Variants in DPP6 observed in about 807,000 individuals in gnomAD.
DPP6 encodes dipeptidyl peptidase like 6, also known as A-type potassium channel modulatory protein DPP6.
Under a neutral mutation model 122.6 loss-of-function variants are expected in DPP6, and 69 were observed. The observed-to-expected ratio is 0.56, with a 90% CI of 0.46 to 0.69. The LOEUF (loss-of-function observed/expected upper bound fraction) is 0.69. DPP6 is among the 30% of genes least tolerant of loss of function. The pLI, the probability that DPP6 is intolerant of heterozygous loss-of-function variation, is 0.00. For missense variants in DPP6, 928 were observed against 1,116.9 expected, an observed-to-expected ratio of 0.83 and a Z score of 2.41; for synonymous variants, 418 against 433.1, an observed-to-expected ratio of 0.97 and a Z score of 0.43.
chr7:154,728,173 C>T (rs1397452944), intron 8 of DPP6, among the ~76,000 whole-genome samples: 1 of 152,160 alleles, frequency 6.6e-6, no homozygotes, highest in Non-Finnish European at 1.5e-5. Context: ...CCCTGAAGGG[C>T]AGGAGGCTCG....
chr7:154,740,298 C>CTTT (rs11286104), intron 8 of DPP6, among the ~76,000 whole-genome samples: 1 of 143,528 alleles, frequency 7.0e-6, no homozygotes. Context: ...ACTCTAATTT[C>CTTT]TTTTTTTTTT....
chr7:153,890,606 G>A (rs1799146901), intron 1 of DPP6, among the ~76,000 whole-genome samples: 1 of 151,678 alleles, frequency 6.6e-6, no homozygotes, highest in South Asian at 2.1e-4. Flanking sequence ...GAAGGCAGAT[G>A]CACCAGCATA....
intron 7 of DPP6, among the ~76,000 whole-genome samples, chr7:154,708,233 C>G (rs1170571997): frequency 2.0e-5 from 3 of 152,132 alleles, no homozygotes; most frequent in African/African-American, 7.2e-5. Flanking sequence ...TCAAAGGTAA[C>G]TGGGCTTTCC....
At chr7:154,301,637 T>C (rs1430780340) in intron 1 of DPP6, among the ~76,000 whole-genome samples, 1 of 152,132 alleles carries the variant, frequency 6.6e-6, no homozygotes, top group South Asian at 2.1e-4. Context: ...CCTTTCTGTA[T>C]TTGCAGTAAT....
At chr7:153,923,873 G>T (rs1289626279) in intron 1 of DPP6, among the ~76,000 whole-genome samples, 1 of 151,638 alleles carries the variant, frequency 6.6e-6, no homozygotes. Context: ...TTTAGTCATC[G>T]GTGGATCCCT....
chr7:154,446,131 G>T, intron 1 of DPP6, 83 bp from the exon 2 acceptor site: 1 of 844,868 alleles, frequency 1.2e-6, no homozygotes, highest in South Asian at 2.0e-5. Context: ...CTTGGTTCTT[G>T]ATTTAAATGA....
chr7:154,510,790 A>G (rs1362955962), intron 3 of DPP6, among the ~76,000 whole-genome samples: 3 of 152,114 alleles, frequency 2.0e-5, no homozygotes, highest in African/African-American at 4.8e-5. Flanking sequence ...CTCTGAATAC[A>G]CTAAAAACCA....
intron 1 of DPP6, among the ~76,000 whole-genome samples, chr7:154,265,762 T>C (rs751129814): frequency 2.6e-5 from 4 of 152,220 alleles, no homozygotes; most frequent in Non-Finnish European, 5.9e-5. Flanking sequence ...AAATAGGTTT[T>C]ATTGTATTTC....
At chr7:154,632,222 G>A (rs1313136144) in intron 5 of DPP6, among the ~76,000 whole-genome samples, 2 of 152,202 alleles carry the variant, frequency 1.3e-5, no homozygotes, top group South Asian at 4.1e-4. Context: ...TTCACAATGT[G>A]CAGAGAAACC....
At position 154,796,788 on chromosome 7, in the gene DPP6, C is replaced by A. The variant is rs76856548; in HGVS notation, c.1299+905C>A. On this transcript the variant is annotated intron_variant, in intron 12 of 25. Transcript: ENST00000377770. ...ACATTCCAGCACTATAGATGCTGGG[C>A]TGCTGCTTCTGCCTGTGGAGTCAGG... Among the ~76,000 whole-genome samples, 547 of 152,318 alleles carry A rather than the reference C, an allele frequency of 3.6e-3. 12 individuals are homozygous for A. In the East Asian group the frequency reaches 0.054, roughly 15 times the overall value.
At chr7:153,846,684 G>GTT in the DPP6 span, among the ~76,000 whole-genome samples, 4 of 117,660 alleles carry the variant, frequency 3.4e-5, no homozygotes, top group African/African-American at 1.4e-4. Flanking sequence ...AGGTGGCTTG[G>GTT]TTCTTTTTTT....
chr7:154,697,319 C>T (rs891436824), intron 7 of DPP6, among the ~76,000 whole-genome samples: 8 of 152,194 alleles, frequency 5.3e-5, no homozygotes, highest in African/African-American at 1.9e-4. Flanking sequence ...AACCTGCCCA[C>T]GAGAAGTTGC....
At chr7:154,057,925 C>G (rs1002262107) in intron 1 of DPP6, 4 of 151,030 alleles carry the variant, frequency 2.6e-5, no homozygotes, top group Non-Finnish European at 5.9e-5. Context: ...AAAGAATGGC[C>G]CCCCTATTTG....
At chr7:154,783,130 G>T (rs1797127438) in intron 10 of DPP6, among the ~76,000 whole-genome samples, 1 of 152,146 alleles carries the variant, frequency 6.6e-6, no homozygotes, top group African/African-American at 2.4e-5. Flanking sequence ...TGCCTCCTTA[G>T]AGATGGGGGT....
intron 8 of DPP6, among the ~76,000 whole-genome samples, chr7:154,743,210 C>T (rs1842893692): frequency 6.6e-6 from 1 of 152,062 alleles, no homozygotes; most frequent in African/African-American, 2.4e-5. Flanking sequence ...ACCTGCTGGG[C>T]CTTTAGATAG....
At chr7:154,116,838 T>A (rs145063641) in intron 1 of DPP6, among the ~76,000 whole-genome samples, 10 of 152,352 alleles carry the variant, frequency 6.6e-5, no homozygotes, top group Admixed American at 1.3e-4. Flanking sequence ...ACAATTTTTT[T>A]AAAAGAAAAA....
chr7:154,274,740 A>G (rs1282193068), intron 1 of DPP6, among the ~76,000 whole-genome samples: 2 of 152,168 alleles, frequency 1.3e-5, no homozygotes, highest in Admixed American at 6.5e-5. Context: ...TGCAGTGCCT[A>G]TGTGTATATT....
At chr7:154,299,116 C>T (rs1195396060) in intron 1 of DPP6, among the ~76,000 whole-genome samples, 1 of 152,220 alleles carries the variant, frequency 6.6e-6, no homozygotes, top group Non-Finnish European at 1.5e-5. Context: ...GTAAGGATCT[C>T]ACAGGTGATT....
chr7:154,566,681 A>G (rs1430045969), intron 4 of DPP6, among the ~76,000 whole-genome samples, 161 bp from the exon 5 acceptor site: 1 of 152,226 alleles, frequency 6.6e-6, no homozygotes, highest in African/African-American at 2.4e-5. Context: ...AATATGAAAA[A>G]ACATCAATTA....
Sources: allele counts gnomAD v4.1 joint callset (sites outside exome capture counted in the v4.1 genomes callset), GRCh38; gene constraint gnomAD v4.1.1; transcripts MANE v1.5; gene names NCBI Gene and HGNC (gene_info 2026-07-23, HGNC 2026-07-21).